Variants in ACSM1 observed in about 807,000 individuals in gnomAD.
ACSM1 encodes acyl-coenzyme A synthetase ACSM1, mitochondrial.
ACSM1 carries 79 observed loss-of-function variants against 75.8 expected under a neutral mutation model. The observed-to-expected ratio is 1.04, with a 90% CI of 0.87 to 1.26. The LOEUF is 1.26. Ranked by LOEUF, ACSM1 falls within the 50% of genes most tolerant of loss-of-function variation. ACSM1 has a pLI of 0.00. For synonymous variants in ACSM1, 279 were observed against 265.8 expected (o/e 1.05, Z -0.48); for missense variants, 676 against 720.1 (o/e 0.94, Z 0.70).
At chr16:20,683,112 T>C (rs989596733) in intron 3 of ACSM1, among the ~76,000 whole-genome samples, 15 of 151,770 alleles carry the variant, frequency 9.9e-5, no homozygotes, top group African/African-American at 3.6e-4. Flanking sequence ...TTTCTTTTTT[T>C]CTTTTATTTA....
At chr16:20,641,822 A>G (rs2018080222) in intron 7 of ACSM1, among the ~76,000 whole-genome samples, 1 of 152,186 alleles carries the variant, frequency 6.6e-6, no homozygotes, top group African/African-American at 2.4e-5. Context: ...GGAACTCTAG[A>G]TCATGTGAAA....
intron 7 of ACSM1, among the ~76,000 whole-genome samples, chr16:20,643,149 T>C (rs2018158474): frequency 6.6e-6 from 1 of 152,126 alleles, no homozygotes; most frequent in Admixed American, 6.5e-5. Flanking sequence ...GGCAAACCAA[T>C]GTTCCCAACT....
chr16:20,635,636 C>CA (rs2017656679), intron 10 of ACSM1, among the ~76,000 whole-genome samples: 4 of 81,354 alleles, frequency 4.9e-5, no homozygotes, highest in Admixed American at 1.2e-4. Flanking sequence ...TTCTTTCTTT[C>CA]TTTCTTTCTT....
intron 10 of ACSM1, among the ~76,000 whole-genome samples, chr16:20,630,531 T>C (rs868792106): frequency 2.0e-5 from 3 of 152,032 alleles, no homozygotes; most frequent in African/African-American, 7.2e-5. Context: ...GAAGCAAACA[T>C]TGTCAGAATT....
Position 20,625,424 on chromosome 16 carries a change from T to C in ACSM1, c.1526A>G (p.Glu509Gly), listed in dbSNP as rs1187500584. The part of the protein sequence containing the change: ...VVGSPDPIRG[E>G]VVKAFIVLTP... Reference sequence around the variant, plus strand: ...TGATGATCTCTGTGTTCTCCTCACCTCCCCTCGAATCGGGTCTGGGCTGCC... The same window carrying C: ...TGATGATCTCTGTGTTCTCCTCACCCCCCCTCGAATCGGGTCTGGGCTGCC... Residue 509 changes from glutamate (E) to glycine (G), a missense_variant and splice_region_variant, in exon 12 of 14, where the codon GAG (glutamate) becomes GGG (glycine). Physicochemically the swap from Glu to Gly is moderately conservative, Grantham distance 98 (BLOSUM62 -2). Coordinates refer to ENST00000520010, the MANE Select transcript of ACSM1 (RefSeq NM_001318890.3). 17 of 1,613,656 alleles carry C rather than the reference T, an allele frequency of 1.1e-5. No homozygotes were observed. Among genetic ancestry groups the C allele is most frequent in the Non-Finnish European group, 1.4e-5 (17 of 1,179,936 alleles).
Position 20,627,266 on chromosome 16 carries a change from A to C in ACSM1, c.1350T>G (p.Thr450=). 6.3e-7 allele frequency: 1 copy of C among 1,590,026 alleles called. No homozygotes were observed. ...CTTCATCCATCTTACCTCTGTCCCC[A>C]GTGTTGTAGAAGTCCCCACATTCCA... ...AKVECGDFYN[T]GDRGKMDEEG... is the part of the protein sequence containing the mutation. The change falls in exon 11 of 14, where the codon ACT becomes ACG. Residue 450 remains threonine (T), a synonymous_variant. Transcript: ENST00000520010.
chr16:20,657,928 G>A (rs906422728), intron 7 of ACSM1, among the ~76,000 whole-genome samples: 55 of 152,084 alleles, frequency 3.6e-4, no homozygotes, highest in African/African-American at 1.3e-3. Flanking sequence ...CCCTGCAAAC[G>A]TCATGAACTC....
At chr16:20,643,237 G>C (rs1196272555) in intron 7 of ACSM1, among the ~76,000 whole-genome samples, 1 of 152,216 alleles carries the variant, frequency 6.6e-6, no homozygotes, top group East Asian at 1.9e-4. Flanking sequence ...AGCCGCCCTA[G>C]TTGCTTTTAA....
Position 20,671,576 on chromosome 16 carries a change from G to T in ACSM1, c.707C>A (p.Ala236Glu), listed in dbSNP as rs1186046301. 1 of 1,613,758 alleles carries T rather than the reference G, an allele frequency of 6.2e-7. No homozygotes were observed. Among genetic ancestry groups the T allele is most frequent in the Admixed American group, 1.7e-5 (1 of 59,966 alleles). Reference protein sequence around the residue: ...TSGTTGFPKMAKHSHGLALQP... With the variant: ...TSGTTGFPKMEKHSHGLALQP... Reference sequence around the variant, plus strand: ...TAAGGCCAACCCATGGGAGTGTTTTGCCATCTTGGGGAAGCCTGTGGTCCC... The same window carrying T: ...TAAGGCCAACCCATGGGAGTGTTTTTCCATCTTGGGGAAGCCTGTGGTCCC... The change falls in exon 5 of 14, where the codon GCA becomes GAA. Residue 236 changes from alanine (A) to glutamate (E), a missense_variant. Physicochemically the swap from Ala to Glu is moderately radical, Grantham distance 107. Coordinates refer to ENST00000520010, the MANE Select transcript of ACSM1 (RefSeq NM_001318890.3).
chr16:20,652,242 AT>A (rs1351122716), intron 7 of ACSM1, among the ~76,000 whole-genome samples: 1 of 152,112 alleles, frequency 6.6e-6, no homozygotes, highest in Non-Finnish European at 1.5e-5. Flanking sequence ...ACTTGTCATA[AT>A]TTAGGATTTA....
chr16:20,653,850 AT>A lies in ACSM1; in HGVS notation c.992+7943del, dbSNP rs1255501324. 2.0e-5 allele frequency among the ~76,000 whole-genome samples: 3 copies of A among 152,312 alleles called. No homozygotes were observed. The East Asian group carries it at 5.8e-4, about 29-fold the overall frequency. ...CTGCCCAAGGTAATTTATAGATTCA[AT>A]GCCATCCCCATCAAGCTACCAATGA... On this transcript the variant is annotated intron_variant, in intron 7 of 13. Transcript: ENST00000520010.
chr16:20,663,040 G>C (rs2019377046), intron 6 of ACSM1, among the ~76,000 whole-genome samples: 1 of 152,050 alleles, frequency 6.6e-6, no homozygotes, highest in Admixed American at 6.6e-5. Flanking sequence ...ACATGTCCTG[G>C]GTCCAGGGCC....
chr16:20,649,872 A>G (rs2018555837), intron 7 of ACSM1, among the ~76,000 whole-genome samples: 1 of 152,154 alleles, frequency 6.6e-6, no homozygotes, highest in Admixed American at 6.5e-5. Flanking sequence ...GCTGTGTCAC[A>G]GGCCATGGTC....
In ACSM1 at chr16:20,648,820, A is replaced by G. The variant is rs955767582; in HGVS notation, c.993-8236T>C. On this transcript the variant is annotated intron_variant, in intron 7 of 13. Coordinates refer to ENST00000520010, the MANE Select transcript of ACSM1 (RefSeq NM_001318890.3). This position sits in a 1 kb window ranked among gnomAD's most constrained non-coding sequence, Gnocchi z 4.2. ...AACCAATATACACCTTACGTGTATT[A>G]ATTGATGTCTTATGTTTCCCTAAAA... is the stretch of plus-strand genomic sequence containing the variant. Among the ~76,000 whole-genome samples, 7 of 152,134 alleles carry G rather than the reference A, an allele frequency of 4.6e-5. No homozygotes were observed. Among genetic ancestry groups the G allele is most frequent in the Non-Finnish European group, 1.0e-4 (7 of 68,020 alleles).
At chr16:20,640,898 A>G (rs2018018022) in intron 7 of ACSM1, among the ~76,000 whole-genome samples, 3 of 152,212 alleles carry the variant, frequency 2.0e-5, no homozygotes, top group Admixed American at 2.0e-4. Context: ...TTGGGGAAGC[A>G]TTCTGTATAG....
At chr16:20,628,747 T>G (rs2017151872) in intron 10 of ACSM1, among the ~76,000 whole-genome samples, 1 of 152,226 alleles carries the variant, frequency 6.6e-6, no homozygotes, top group Non-Finnish European at 1.5e-5. Context: ...TATGTACATT[T>G]GCATACATGT....
rs1204585186 is a variant in ACSM1 at position 20,640,370 on chromosome 16, GT to G, written c.1116+90del. 9.0e-6 allele frequency: 13 copies of G among 1,452,180 alleles called. No homozygotes were observed. The African/African-American group carries it at 1.7e-4, about 19-fold the overall frequency. The allele number at this position is 1,452,180 out of a possible 1,614,324, so 90.0% of individuals were successfully genotyped here. On this transcript the variant is annotated intron_variant, in intron 8 of 13. Transcript: ENST00000520010. Reference sequence around the variant, plus strand: ...CATCTTTGGGGAAAGGCACAAACCTGTTTCCCAGATGCGTGTCATTAACCTT... The same window carrying G: ...CATCTTTGGGGAAAGGCACAAACCTGTTCCCAGATGCGTGTCATTAACCTT...
At chr16:20,696,285 C>G (rs1567317947) in intron 1 of ACSM1, among the ~76,000 whole-genome samples, 1 of 152,246 alleles carries the variant, frequency 6.6e-6, no homozygotes, top group Non-Finnish European at 1.5e-5. Context: ...GTCTCTATCT[C>G]TATCTCCGTC....
chr16:20,672,293 A>G (rs1425094959), intron 4 of ACSM1, among the ~76,000 whole-genome samples: 2 of 150,342 alleles, frequency 1.3e-5, no homozygotes, highest in African/African-American at 4.9e-5. Flanking sequence ...AGTAAAAAAA[A>G]TATATTTAGT....
Sources: allele counts gnomAD v4.1 joint callset (sites outside exome capture counted in the v4.1 genomes callset), GRCh38; gene constraint gnomAD v4.1.1; non-coding constraint Gnocchi (gnomAD v3.1); transcripts MANE v1.5; gene names NCBI Gene and HGNC (gene_info 2026-07-23, HGNC 2026-07-21).